The following ZNF385D variants were observed in gnomAD, a reference collection of about 807,000 sequenced individuals.
ZNF385D encodes zinc finger protein 659.
Under a neutral mutation model 35.8 loss-of-function variants are expected in ZNF385D, and 15 were observed. The ratio of observed to expected loss-of-function variants is 0.42; its 90% CI spans 0.28 to 0.64. The LOEUF is 0.64. Among genes scored for constraint, ZNF385D ranks in the 30% least tolerant of loss-of-function variants. ZNF385D has a pLI of 0.23. For missense variants in ZNF385D, 474 were observed against 494.6 expected (o/e 0.96, Z 0.39); for synonymous variants, 212 against 186.8 (o/e 1.13, Z -1.10).
intron 3 of ZNF385D, among the ~76,000 whole-genome samples, chr3:22,158,401 T>C (rs958871795): frequency 2.6e-5 from 4 of 152,082 alleles, no homozygotes; most frequent in Admixed American, 2.6e-4. Flanking sequence ...GGTCCAGTGT[T>C]TTATCTCATT....
chr3:21,605,629 T>C (rs1417349990), intron 2 of ZNF385D, among the ~76,000 whole-genome samples: 2 of 152,154 alleles, frequency 1.3e-5, no homozygotes, highest in Admixed American at 1.3e-4. Flanking sequence ...TCTGACTGAT[T>C]CCCATGGCAT....
chr3:21,876,592 T>C (rs887150890), intron 3 of ZNF385D, among the ~76,000 whole-genome samples: 12 of 152,044 alleles, frequency 7.9e-5, no homozygotes, highest in African/African-American at 2.9e-4. Flanking sequence ...GTCTCATGCC[T>C]TGTGCTCAGT....
At chr3:21,830,239 G>A (rs1464140280) in intron 3 of ZNF385D, among the ~76,000 whole-genome samples, 1 of 152,194 alleles carries the variant, frequency 6.6e-6, no homozygotes, top group East Asian at 1.9e-4. Flanking sequence ...TGTCTGTTAT[G>A]CACATGTATT....
At chr3:21,956,981 G>T (rs1231717121) in intron 3 of ZNF385D, among the ~76,000 whole-genome samples, 1 of 151,968 alleles carries the variant, frequency 6.6e-6, no homozygotes, top group East Asian at 1.9e-4. Flanking sequence ...ACGTGTTGTG[G>T]GAGGGACCTG....
At chr3:21,913,294 A>G (rs1475972589) in intron 3 of ZNF385D, among the ~76,000 whole-genome samples, 1 of 152,104 alleles carries the variant, frequency 6.6e-6, no homozygotes, top group Non-Finnish European at 1.5e-5. Flanking sequence ...TGCAGAGTAG[A>G]GTACTTCTAA....
intron 2 of ZNF385D, among the ~76,000 whole-genome samples, chr3:22,250,237 A>G (rs1229844082): frequency 3.9e-5 from 6 of 152,154 alleles, no homozygotes; most frequent in Non-Finnish European, 8.8e-5. Flanking sequence ...ATATATTTCC[A>G]GTATTCCTTG....
chr3:21,809,387 A>AT (rs2072802485), intron 3 of ZNF385D, among the ~76,000 whole-genome samples: 1 of 151,880 alleles, frequency 6.6e-6, no homozygotes, highest in African/African-American at 2.4e-5. Flanking sequence ...GAAAACAAAA[A>AT]ATATATAATA....
At chr3:22,097,248 A>G (rs1701682725) in intron 3 of ZNF385D, among the ~76,000 whole-genome samples, 2 of 152,054 alleles carry the variant, frequency 1.3e-5, no homozygotes, top group Admixed American at 1.3e-4. Context: ...GTGGTTTGTT[A>G]CAGAGCAATA....
In ZNF385D at chr3:21,646,895, A is replaced by G. The variant is rs2065767775; in HGVS notation, c.165+17991T>C. Reference sequence around the variant, plus strand: ...CTGTCTGATGCTAAGGCTCAATGAAATCAAGGCCAGACAGAATTGAGGACC... The same window carrying G: ...CTGTCTGATGCTAAGGCTCAATGAAGTCAAGGCCAGACAGAATTGAGGACC... On this transcript the variant is annotated intron_variant, in intron 2 of 7. Transcript: ENST00000281523. This position sits in a 1 kb window ranked among gnomAD's most constrained non-coding sequence, Gnocchi z 4.3. 6.6e-6 allele frequency among the ~76,000 whole-genome samples: 1 copy of G among 152,180 alleles called. No individual in the cohort carries two copies. Among genetic ancestry groups the G allele is most frequent in the Non-Finnish European group, 1.5e-5 (1 of 68,034 alleles).
At chr3:22,130,114 G>C (rs1703687377) in intron 3 of ZNF385D, among the ~76,000 whole-genome samples, 1 of 152,094 alleles carries the variant, frequency 6.6e-6, no homozygotes, top group African/African-American at 2.4e-5. Flanking sequence ...AACATCATCT[G>C]GGAGCTATGG....
intron 3 of ZNF385D, among the ~76,000 whole-genome samples, chr3:21,787,981 A>T (rs577822028): frequency 1.9e-5 from 2 of 104,964 alleles, no homozygotes; most frequent in Non-Finnish European, 4.1e-5. Context: ...AAAAAAAAAA[A>T]AGAGAGAGAG....
chr3:22,251,294 T>C (rs1258083549), intron 2 of ZNF385D, among the ~76,000 whole-genome samples: 1 of 152,182 alleles, frequency 6.6e-6, no homozygotes, highest in African/African-American at 2.4e-5. Context: ...TTTAAGATGA[T>C]GTTTTCTTGT....
chr3:22,353,914 C>T (rs141459654), intron 2 of ZNF385D, among the ~76,000 whole-genome samples: 128 of 152,220 alleles, frequency 8.4e-4, no homozygotes, highest in African/African-American at 3.0e-3. Flanking sequence ...TGATCTCCCT[C>T]CTCCCCACAT....
chr3:21,533,800 T>C (rs1356726829), intron 3 of ZNF385D, among the ~76,000 whole-genome samples: 1 of 152,100 alleles, frequency 6.6e-6, no homozygotes, highest in Non-Finnish European at 1.5e-5. Context: ...AAATCCCTAC[T>C]GTAAGGCAGA....
At chr3:21,659,405 CAT>C (rs1285404725) in intron 2 of ZNF385D, among the ~76,000 whole-genome samples, 2 of 152,052 alleles carry the variant, frequency 1.3e-5, no homozygotes, top group Non-Finnish European at 2.9e-5. Flanking sequence ...TTTTTGAGAT[CAT>C]GACACACATA....
At chr3:22,317,201 T>C (rs924645114) in intron 2 of ZNF385D, among the ~76,000 whole-genome samples, 17 of 125,754 alleles carry the variant, frequency 1.4e-4, no homozygotes, top group South Asian at 2.6e-4. Context: ...CACTTGAACC[T>C]GGGAGGCAGA....
At chr3:21,748,266 A>T (rs2069877641) in intron 1 of ZNF385D, among the ~76,000 whole-genome samples, 1 of 152,174 alleles carries the variant, frequency 6.6e-6, no homozygotes, top group Admixed American at 6.5e-5. Flanking sequence ...AGATCTGAAA[A>T]TATTACATCT....
chr3:21,619,656 G>A (rs17009163), intron 2 of ZNF385D, among the ~76,000 whole-genome samples: 46,128 of 151,922 alleles, frequency 0.3, 7,739 homozygotes, highest in South Asian at 0.47. Context: ...TGTCCATCTG[G>A]GGAATGGTGG....
At chr3:21,449,933 C>A (rs6776560) in intron 4 of ZNF385D, among the ~76,000 whole-genome samples, 9,201 of 152,164 alleles carry the variant, frequency 0.06, 293 homozygotes, top group African/African-American at 0.082. Flanking sequence ...TGTTGCCAAG[C>A]GGTCAAGATC....
Sources: allele counts gnomAD v4.1 joint callset (sites outside exome capture counted in the v4.1 genomes callset), GRCh38; gene constraint gnomAD v4.1.1; non-coding constraint Gnocchi (gnomAD v3.1); transcripts MANE v1.5; gene names NCBI Gene and HGNC (gene_info 2026-07-23, HGNC 2026-07-21).